RYR2: variants seen among roughly 807,000 people sequenced by gnomAD.
RYR2 encodes ryanodine receptor 2, also known as cardiac muscle ryanodine receptor-calcium release channel.
RYR2 carries 227 observed loss-of-function variants against 601.1 expected under a neutral mutation model. That is an observed-to-expected ratio of 0.38 (90% CI 0.34 to 0.42). The LOEUF (loss-of-function observed/expected upper bound fraction) is 0.42. Among genes scored for constraint, RYR2 ranks in the 10% least tolerant of loss-of-function variants. The probability of loss-of-function intolerance (pLI) is 1.00; values close to 1 mark genes in which losing one functional copy is unlikely to be tolerated. For synonymous variants in RYR2, 2,223 were observed against 2,175.1 expected (o/e 1.02, Z -0.61); for missense variants, 4,646 against 6,156.5 (o/e 0.75, Z 8.21).
chr1:237,618,052 T>C lies in RYR2; in HGVS notation c.5916+566T>C, dbSNP rs12060424. Among the ~76,000 whole-genome samples the C allele has an allele frequency of 1.3e-3, 195 of 152,228 alleles. 1 individual carries two copies. Among genetic ancestry groups the C allele is most frequent in the African/African-American group, 4.4e-3 (184 of 41,524 alleles). ...CTACCTCAGAGTGGGCCTCAGAGTG[T>C]GGGAAGTTACTGGCGTAGGGATGGT... On this transcript the variant is annotated intron_variant, in intron 38 of 104. Transcript: ENST00000366574.
intron 1 of RYR2, among the ~76,000 whole-genome samples, chr1:237,074,581 C>A (rs530914779): frequency 8.5e-5 from 13 of 152,280 alleles, no homozygotes; most frequent in Non-Finnish European, 1.9e-4. Context: ...TCTGCCACAA[C>A]CTCCCCCAGC....
chr1:237,801,854 A>G lies in RYR2; in HGVS notation c.14091-2A>G. ...ACGCATTTTTTTTTTTTGTCATTGC[A>G]GACTGAACTCCATTGATGTGAAGTA... On this transcript the variant is annotated splice_acceptor_variant, in intron 97 of 104. Coordinates refer to ENST00000366574, the MANE Select transcript of RYR2 (RefSeq NM_001035.3). LOFTEE classifies it high-confidence loss of function. 4 of 1,572,784 alleles carry G rather than the reference A, an allele frequency of 2.5e-6. No individual in the cohort carries two copies. Among genetic ancestry groups the G allele is most frequent in the South Asian group, 1.1e-5 (1 of 87,136 alleles).
chr1:237,573,290 A>T (rs1302701415), intron 29 of RYR2, among the ~76,000 whole-genome samples: 2 of 151,780 alleles, frequency 1.3e-5, no homozygotes. Flanking sequence ...ATGCGCACAC[A>T]TACACACAGA....
chr1:237,636,008 TA>T (rs1473212122), intron 44 of RYR2, among the ~76,000 whole-genome samples: 1 of 148,128 alleles, frequency 6.8e-6, no homozygotes, highest in Non-Finnish European at 1.5e-5. Context: ...CCATGCTGTG[TA>T]AAACTGAAAC....
In RYR2 at chr1:237,795,292, A is replaced by T; in HGVS notation, c.13917A>T (p.Ser4639=). The T allele has an allele frequency of 7.3e-7, 1 of 1,378,294 alleles. No homozygotes were observed. The highest frequency in any genetic ancestry group is 1.0e-6 in the Non-Finnish European group (1 of 999,146). The allele number at this position is 1,378,294 out of a possible 1,614,324, so 85.4% of individuals were successfully genotyped here. A position where few individuals can be genotyped will look rare whatever the true frequency, so the allele number is the denominator to read the frequency against. Reference sequence around the variant, plus strand: ...TCTATGCTTTTGTATATTTTAGGTCATTTCCCAACAACTACTGGGACAAAT... The same window carrying T: ...TCTATGCTTTTGTATATTTTAGGTCTTTTCCCAACAACTACTGGGACAAAT... ...QWDRLVINTQ[S]FPNNYWDKFV... is the part of the protein sequence containing the mutation. Residue 4639 remains serine, a synonymous_variant, in exon 96 of 105, where the codon TCA becomes TCT. Transcript: ENST00000366574.
At chr1:237,179,861 A>G (rs1028319632) in intron 1 of RYR2, among the ~76,000 whole-genome samples, 1 of 152,108 alleles carries the variant, frequency 6.6e-6, no homozygotes, top group African/African-American at 2.4e-5. Flanking sequence ...ATAGCCGGCA[A>G]CATCTATTGT....
chr1:237,700,973 A>G (rs1293986352), intron 65 of RYR2, among the ~76,000 whole-genome samples: 1 of 152,184 alleles, frequency 6.6e-6, no homozygotes, highest in East Asian at 1.9e-4. Flanking sequence ...GGAAGCTTTA[A>G]TCTTCTGTTT....
Position 237,193,275 on chromosome 1 carries a change from C to G in RYR2, c.49-77222C>G, listed in dbSNP as rs530910582. Among the ~76,000 whole-genome samples the G allele has an allele frequency of 4.6e-5, 7 of 151,936 alleles. No individual in the cohort carries two copies. In the South Asian group the frequency reaches 1.5e-3, roughly 32 times the overall value. On this transcript the variant is annotated intron_variant, in intron 1 of 104. Transcript: ENST00000366574. ...GGTCAGGAGATCGAGACTATCGTGG[C>G]TAACATGGTGAAACCCCGTCTCTAC...
At chr1:237,580,765 C>G (rs1673826528) in intron 29 of RYR2, among the ~76,000 whole-genome samples, 1 of 152,110 alleles carries the variant, frequency 6.6e-6, no homozygotes, top group African/African-American at 2.4e-5. Context: ...GGGCCTTAAT[C>G]CAGTATGGCT....
intron 27 of RYR2, among the ~76,000 whole-genome samples, chr1:237,562,361 C>G (rs1419784879): frequency 1.3e-5 from 2 of 152,070 alleles, no homozygotes; most frequent in Admixed American, 6.6e-5. Context: ...TTAGCTTTTC[C>G]TTATAGCTTC....
chr1:237,454,276 T>C, intron 14 of RYR2, 115 bp from the exon 15 acceptor site: 1 of 1,042,462 alleles, frequency 9.6e-7, no homozygotes, highest in Middle Eastern at 2.9e-4. Context: ...CTTTCTGACA[T>C]GTCCCTTTTA....
In RYR2 at chr1:237,574,069, A is replaced by C. The variant is rs143068754; in HGVS notation, c.3598+4750A>C. 2.6e-3 allele frequency among the ~76,000 whole-genome samples: 389 copies of C among 152,260 alleles called. 1 individual carries two copies. Among genetic ancestry groups the C allele is most frequent in the African/African-American group, 9.1e-3 (377 of 41,550 alleles). On this transcript the variant is annotated intron_variant, in intron 29 of 104. Transcript: ENST00000366574. ...AATTCCACTAGAATTTCAGGGTTTA[A>C]AGGCCGCATTGTCTATGTGGCAGAT...
intron 8 of RYR2, among the ~76,000 whole-genome samples, chr1:237,383,092 T>C (rs1013625629): frequency 6.6e-6 from 1 of 152,194 alleles, no homozygotes; most frequent in Non-Finnish European, 1.5e-5. Flanking sequence ...AAGGGTTCAA[T>C]TGAGAGATTC....
At chr1:237,387,498 T>A in intron 9 of RYR2, 118 bp downstream of exon 9, 1 of 834,208 alleles carries the variant, frequency 1.2e-6, no homozygotes, top group African/African-American at 1.7e-5. Flanking sequence ...CTAAATATTC[T>A]GTAATGCAGA....
In RYR2 at chr1:237,819,619, AGACCAGCCT is replaced by A. The variant is rs561325073; in HGVS notation, c.14590+433_14590+441del. Among the ~76,000 whole-genome samples, 970 of 152,198 alleles carry A rather than the reference AGACCAGCCT, an allele frequency of 6.4e-3. 11 individuals carry two copies. The highest frequency in any genetic ancestry group is 0.022 in the African/African-American group (929 of 41,506). ...TGGATCACTTGAGGTCAGGAGCTCG[AGACCAGCCT>A]GACCAACATGGTAAACCCCATCTCT... On this transcript the variant is annotated intron_variant, in intron 101 of 104. Transcript: ENST00000366574. The surrounding 1 kb of genome is among the most constrained non-coding windows in gnomAD (Gnocchi z 4.0).
chr1:237,465,175 A>G (rs541025840), intron 16 of RYR2, among the ~76,000 whole-genome samples: 1 of 152,216 alleles, frequency 6.6e-6, no homozygotes, highest in Admixed American at 6.5e-5. Flanking sequence ...TTCATTAGAA[A>G]TGTATATATT....
intron 38 of RYR2, among the ~76,000 whole-genome samples, chr1:237,623,397 T>C (rs1206502944): frequency 7.2e-6 from 1 of 138,640 alleles, no homozygotes; most frequent in Admixed American, 7.2e-5. Flanking sequence ...TTTTTTTTTT[T>C]TTTTTTTTTT....
rs376612295 is a variant in RYR2, at chr1:237,454,494, C to A, written c.1396C>A (p.Pro466Thr). 2.5e-6 allele frequency: 4 copies of A among 1,613,526 alleles called. No homozygotes were observed. Among genetic ancestry groups the A allele is most frequent in the South Asian group, 1.1e-5 (1 of 91,068 alleles). Reference protein sequence around the residue: ...LQDLIGYFHPPDEHLEHEDKQ... With the variant: ...LQDLIGYFHPTDEHLEHEDKQ... ...GGATCTCATTGGCTACTTCCACCCCCCAGATGAGCATTTAGAGCATGAAGA... is the reference window on the plus strand; with the variant it reads ...GGATCTCATTGGCTACTTCCACCCCACAGATGAGCATTTAGAGCATGAAGA... The change falls in exon 15 of 105, where the codon CCA becomes ACA. Residue 466 changes from proline (P) to threonine (T), a missense_variant. Pro to Thr is a conservative substitution (Grantham distance 38). Transcript: ENST00000366574.
Position 237,143,014 on chromosome 1 carries a change from A to G in RYR2, c.48+100445A>G, listed in dbSNP as rs73119307. Among the ~76,000 whole-genome samples, 728 of 152,288 alleles carry G rather than the reference A, an allele frequency of 4.8e-3. 4 individuals carry two copies. Among genetic ancestry groups the G allele is most frequent in the African/African-American group, 0.016 (678 of 41,568 alleles). ...CGAACACCTTCTTCCTTGAAAAAAG[A>G]AGGTTCAGTAGTTCCTCGGTGTTCT... On this transcript the variant is annotated intron_variant, in intron 1 of 104. Transcript: ENST00000366574.
Sources: gnomAD v4.1 joint callset for allele counts (sites outside exome capture counted in the v4.1 genomes callset) on GRCh38, gnomAD v4.1.1 for gene constraint, Gnocchi (gnomAD v3.1) non-coding constraint, MANE v1.5 for transcripts, NCBI Gene and HGNC (gene_info 2026-07-23, HGNC 2026-07-21) for gene names.